TJP1: variants seen among roughly 807,000 people sequenced by gnomAD.
The protein encoded by TJP1 is tight junction protein ZO-1.
Under a neutral mutation model 194.2 loss-of-function variants are expected in TJP1, and 43 were observed. That is an observed-to-expected ratio of 0.22 (90% CI 0.17 to 0.29). The LOEUF is 0.29. Among genes scored for constraint, TJP1 ranks in the 10% least tolerant of loss-of-function variants. TJP1 has a pLI of 1.00. For synonymous variants in TJP1, 801 were observed against 779.0 expected (o/e 1.03, Z -0.47); for missense variants, 1,971 against 2,185.7 (o/e 0.90, Z 1.96).
chr15:29,744,343 C>T (rs2044623647), intron 8 of TJP1, among the ~76,000 whole-genome samples: 1 of 152,136 alleles, frequency 6.6e-6, no homozygotes, highest in African/African-American at 2.4e-5. Context: ...CTAGGTCATA[C>T]ACTATAATTC....
At chr15:29,777,064 T>C (rs943295094) in intron 2 of TJP1, among the ~76,000 whole-genome samples, 1 of 152,096 alleles carries the variant, frequency 6.6e-6, no homozygotes, top group Non-Finnish European at 1.5e-5. Flanking sequence ...ATTCAAATAA[T>C]CACACAAGTA....
chr15:29,745,214 G>C (rs1281561862), intron 8 of TJP1, among the ~76,000 whole-genome samples: 1 of 149,728 alleles, frequency 6.7e-6, no homozygotes, highest in African/African-American at 2.5e-5. Context: ...TCAGTAACAG[G>C]ACAGTGATAC....
intron 2 of TJP1, among the ~76,000 whole-genome samples, chr15:29,889,432 A>G (rs2053231257): frequency 2.0e-5 from 3 of 152,264 alleles, no homozygotes; most frequent in Admixed American, 1.3e-4. Flanking sequence ...GCTAAAATTA[A>G]TCAACAATCA....
At chr15:29,830,731 A>T (rs2050812337) in intron 2 of TJP1, among the ~76,000 whole-genome samples, 1 of 152,076 alleles carries the variant, frequency 6.6e-6, no homozygotes, top group Non-Finnish European at 1.5e-5. Flanking sequence ...AAGGACTGGG[A>T]GTAATGGAAA....
At chr15:29,818,904 G>A (rs529923505) in intron 1 of TJP1, among the ~76,000 whole-genome samples, 122 of 151,852 alleles carry the variant, frequency 8.0e-4, no homozygotes, top group Non-Finnish European at 1.7e-3. Context: ...TGCAACCTCC[G>A]CCTTCCAGGT....
rs116108727 is a variant in TJP1, at chr15:29,719,752, T to G, written c.3003+25A>C. ...GCCAGATTGATGGACAGCAACAAAT[T>G]AGTGCAACACCGCAGCACAGGTACC... On this transcript the variant is annotated intron_variant, in intron 20 of 27. Transcript: ENST00000614355. The G allele has an allele frequency of 1.9e-6, 3 of 1,591,182 alleles. No homozygotes were observed. In the South Asian group the frequency reaches 3.4e-5, roughly 18 times the overall value.
intron 2 of TJP1, among the ~76,000 whole-genome samples, chr15:29,833,881 A>ATATATATATATTTTTTTTT (rs1555434000): frequency 1.6e-4 from 2 of 12,616 alleles, no homozygotes; most frequent in Non-Finnish European, 2.7e-4. Context: ...ATATATATAT[A>ATATATATATATTTTTTTTT]TTTTTTTTTT....
chr15:29,921,375 C>T (rs1336227536), intron 2 of TJP1, among the ~76,000 whole-genome samples: 1 of 152,190 alleles, frequency 6.6e-6, no homozygotes, highest in Non-Finnish European at 1.5e-5. Context: ...TCCATTTCCC[C>T]GTGACTTCTG....
At chr15:29,863,245 C>T (rs2052163743) in intron 2 of TJP1, among the ~76,000 whole-genome samples, 1 of 151,862 alleles carries the variant, frequency 6.6e-6, no homozygotes. Flanking sequence ...GCAGTGAGCC[C>T]AGACCGTGCC....
intron 2 of TJP1, among the ~76,000 whole-genome samples, chr15:29,895,111 T>C (rs1169878823): frequency 1.3e-5 from 2 of 152,158 alleles, no homozygotes; most frequent in Non-Finnish European, 2.9e-5. Flanking sequence ...TCAAAGTCAT[T>C]CTTCCATGTC....
Position 29,761,132 on chromosome 15 carries a change from G to A in TJP1, c.1010+7C>T. 1.3e-6 allele frequency: 2 copies of A among 1,586,554 alleles called. No homozygotes were observed. The highest frequency in any genetic ancestry group is 1.7e-6 in the Non-Finnish European group (2 of 1,166,374). The stretch of plus-strand genomic sequence containing the variant: ...CCTGTATTTTTTAAAAAAATAGGGT[G>A]TCTTACCTGCCATTGCTTGGCTGCT... On this transcript the variant is annotated splice_region_variant and intron_variant, in intron 8 of 27. Transcript: ENST00000614355.
intron 2 of TJP1, among the ~76,000 whole-genome samples, chr15:29,859,094 T>C (rs1438039933): frequency 6.6e-6 from 1 of 152,224 alleles, no homozygotes; most frequent in Non-Finnish European, 1.5e-5. Flanking sequence ...ACATTAATGT[T>C]ACTTAAGCAT....
At chr15:29,889,262 T>C (rs1196475658) in intron 2 of TJP1, among the ~76,000 whole-genome samples, 1 of 152,220 alleles carries the variant, frequency 6.6e-6, no homozygotes, top group Non-Finnish European at 1.5e-5. Context: ...ATAAAACTGC[T>C]ATGTTTGAGA....
At chr15:29,757,932 C>G (rs1354230766) in intron 8 of TJP1, among the ~76,000 whole-genome samples, 1 of 152,126 alleles carries the variant, frequency 6.6e-6, no homozygotes, top group African/African-American at 2.4e-5. Flanking sequence ...ATTCCTCAGA[C>G]GACTAAATGT....
In TJP1 at chr15:29,822,248, C is replaced by A. The variant is rs2050443491; in HGVS notation, c.-220G>T. On this transcript the variant is annotated 5_prime_UTR_variant, in exon 1 of 28. Transcript: ENST00000614355. ...CCGGGTCTTCTCCACGGGGCGCGCC[C>A]GACCGGCACCTCCCTCCGAGCGCGG... 8.5e-7 allele frequency: 1 copy of A among 1,170,268 alleles called. No individual in the cohort carries two copies. The highest frequency in any genetic ancestry group is 3.7e-5 in the East Asian group (1 of 27,304). 72.5% of individuals were successfully genotyped at this position (1,170,268 alleles called of 1,614,324 possible).
chr15:29,746,478 A>G (rs894069797), intron 8 of TJP1, among the ~76,000 whole-genome samples: 1 of 152,144 alleles, frequency 6.6e-6, no homozygotes, highest in African/African-American at 2.4e-5. Context: ...CTATTTAAAA[A>G]CTTTTCTCTA....
intron 2 of TJP1, among the ~76,000 whole-genome samples, chr15:29,789,235 G>A (rs1019616806): frequency 1.3e-5 from 2 of 151,970 alleles, no homozygotes; most frequent in Non-Finnish European, 2.9e-5. Flanking sequence ...GACTTTATTC[G>A]ACATGGTTAG....
intron 2 of TJP1, among the ~76,000 whole-genome samples, chr15:29,852,773 G>A (rs1183235904): frequency 6.6e-6 from 1 of 152,000 alleles, no homozygotes; most frequent in Non-Finnish European, 1.5e-5. Context: ...GGCATGTGGT[G>A]CATGCCTGTA....
intron 2 of TJP1, among the ~76,000 whole-genome samples, chr15:29,788,895 CAT>C (rs1162993122): frequency 1.3e-5 from 2 of 152,128 alleles, no homozygotes; most frequent in South Asian, 2.1e-4. Context: ...GAGGTGAACA[CAT>C]GTGGTTACCA....
Sources: allele counts gnomAD v4.1 joint callset (sites outside exome capture counted in the v4.1 genomes callset), GRCh38; gene constraint gnomAD v4.1.1; transcripts MANE v1.5; gene names NCBI Gene and HGNC (gene_info 2026-07-23, HGNC 2026-07-21).